CCDC117: variants seen among roughly 807,000 people sequenced by gnomAD.
CCDC117 encodes coiled-coil domain containing 117.
A neutral mutation model predicts 23.5 loss-of-function variants in CCDC117; 1 was observed. The observed-to-expected ratio is 0.04, with a 90% CI of 0.02 to 0.20. CCDC117 has a LOEUF of 0.20. Ranked by LOEUF, CCDC117 falls within the 10% of genes least tolerant of loss-of-function variation. The pLI is 1.00. For synonymous variants in CCDC117, 132 were observed against 124.8 expected, an observed-to-expected ratio of 1.06 and a Z score of -0.39; for missense variants, 383 against 348.2, an observed-to-expected ratio of 1.10 and a Z score of -0.80.
At position 28,772,724 on chromosome 22, in the gene CCDC117, GCGTGA is replaced by G; in HGVS notation, c.-121_-117del. The G allele has an allele frequency of 1.4e-6, 1 of 713,898 alleles. No homozygotes were observed. The highest frequency in any genetic ancestry group is 1.9e-6 in the Non-Finnish European group (1 of 523,858). 44.2% of individuals were successfully genotyped at this position (713,898 alleles called of 1,614,324 possible). ...GGCCTGAGGTGGAGGGTTCTAGAAGGCGTGACGTGGGGTCGAGAGCGGGATCCGAG... is the reference window on the plus strand; with the variant it reads ...GGCCTGAGGTGGAGGGTTCTAGAAGGCGTGGGGTCGAGAGCGGGATCCGAG... On this transcript the variant is annotated 5_prime_UTR_variant, in exon 1 of 5. Coordinates refer to ENST00000249064, the MANE Select transcript of CCDC117 (RefSeq NM_173510.4).
chr22:28,773,899 A>C, intron 2 of CCDC117, 121 bp downstream of exon 2: 1 of 780,200 alleles, frequency 1.3e-6, no homozygotes, highest in African/African-American at 1.7e-5. Context: ...AGAGACACAG[A>C]AATTAGTGAC....
intron 3 of CCDC117, among the ~76,000 whole-genome samples, chr22:28,783,285 C>T (rs1363369081): frequency 1.3e-5 from 2 of 152,024 alleles, no homozygotes; most frequent in African/African-American, 4.8e-5. Flanking sequence ...AGGTGATCTG[C>T]CCGCCTCGGC....
chr22:28,779,517 A>G (rs529367387), intron 2 of CCDC117, among the ~76,000 whole-genome samples: 7 of 152,250 alleles, frequency 4.6e-5, no homozygotes, highest in Non-Finnish European at 8.8e-5. Context: ...AAAATATCCC[A>G]TATTTTAAAA....
In CCDC117 at chr22:28,772,882, C is replaced by A; in HGVS notation, c.33C>A (p.Leu11=). 8.1e-7 allele frequency: 1 copy of A among 1,237,010 alleles called. No individual in the cohort carries two copies. The highest frequency in any genetic ancestry group is 1.0e-6 in the Non-Finnish European group (1 of 989,568). 76.6% of individuals were successfully genotyped at this position (1,237,010 alleles called of 1,614,324 possible). The change falls in exon 1 of 5, where the codon CTC becomes CTA. Residue 11 remains leucine (L), a synonymous_variant. Coordinates refer to ENST00000249064, the MANE Select transcript of CCDC117 (RefSeq NM_173510.4). MAALGRPFSG[L]PLSGGSDFLQ... is the part of the protein sequence containing the mutation. ...CGCTCGGCCGGCCCTTCAGCGGCCT[C>A]CCTCTGAGCGGCGGCTCGGACTTCC...
In CCDC117 at chr22:28,772,816, A is replaced by G; in HGVS notation, c.-34A>G. 2 of 1,219,600 alleles carry G rather than the reference A, an allele frequency of 1.6e-6. No homozygotes were observed. Among genetic ancestry groups the G allele is most frequent in the East Asian group, 3.3e-5 (1 of 30,688 alleles). 75.5% of individuals were successfully genotyped at this position (1,219,600 alleles called of 1,614,324 possible). A position where few individuals can be genotyped will look rare whatever the true frequency, so the allele number is the denominator to read the frequency against. ...CCGGGCCTGGGGACGCGGGCGGCCG[A>G]GGCCGCCGTCGCAGCCTCCTCGTCT... is the stretch of plus-strand genomic sequence containing the variant. On this transcript the variant is annotated 5_prime_UTR_variant, in exon 1 of 5. Transcript: ENST00000249064.
rs528827834 is a variant in CCDC117, at chr22:28,776,036, G to A, written c.239+2258G>A. 1.1e-4 allele frequency among the ~76,000 whole-genome samples: 16 copies of A among 152,298 alleles called. 1 individual carries two copies. In the South Asian group the frequency reaches 3.3e-3, roughly 32 times the overall value. ...ACTCTACCTCCAGATGTTGGGATGC[G>A]TGTGAAGCACCAGGAACTCTTAAAT... On this transcript the variant is annotated intron_variant, in intron 2 of 4. Transcript: ENST00000249064.
chr22:28,786,314 G>T lies in CCDC117; in HGVS notation c.828G>T (p.Glu276Asp). ...SLETATSTEE[E>D]MEL ...AGACAGCTACTAGCACAGAAGAAGA[G>T]ATGGAACTCTAGAAACCAATTTCTA... The change falls in exon 5 of 5, where the codon GAG (glutamate) becomes GAT (aspartate). Residue 276 changes from glutamate (E) to aspartate (D), a missense_variant. Coordinates refer to ENST00000249064, the MANE Select transcript of CCDC117 (RefSeq NM_173510.4). 1 of 1,611,768 alleles carries T rather than the reference G, an allele frequency of 6.2e-7. No individual in the cohort carries two copies. The highest frequency in any genetic ancestry group is 8.5e-7 in the Non-Finnish European group (1 of 1,178,776).
In CCDC117 at chr22:28,783,487, C is replaced by T. The variant is rs756030945; in HGVS notation, c.465-21C>T. On this transcript the variant is annotated intron_variant, in intron 3 of 4. Transcript: ENST00000249064. ...CTTGACTAAATATTTTTTCTTTCTT[C>T]TGCTGCCTTAATTGATTTAGGATAA... is the stretch of plus-strand genomic sequence containing the variant. 4.4e-6 allele frequency: 7 copies of T among 1,595,710 alleles called. No individual in the cohort carries two copies. In the Admixed American group the frequency reaches 5.4e-5, roughly 12 times the overall value.
At position 28,788,041 on chromosome 22, in the gene CCDC117, T is replaced by C. The variant is rs1332695566; in HGVS notation, c.*1715T>C. 6.6e-6 allele frequency: 1 copy of C among 152,658 alleles called. No homozygotes were observed. The highest frequency in any genetic ancestry group is 1.5e-5 in the Non-Finnish European group (1 of 68,048). The allele number at this position is 152,658 out of a possible 1,614,324, so 9.5% of individuals were successfully genotyped here. On this transcript the variant is annotated 3_prime_UTR_variant, in exon 5 of 5. Coordinates refer to ENST00000249064, the MANE Select transcript of CCDC117 (RefSeq NM_173510.4). ...CCTGTTCCTGCTTTCTCTTTCTGTC[T>C]GGATAGTCAGGAAAAGATTTAATGT...
rs538494667 is a variant in CCDC117, at chr22:28,772,826, C to T, written c.-24C>T. On this transcript the variant is annotated 5_prime_UTR_variant, in exon 1 of 5. Transcript: ENST00000249064. ...GGACGCGGGCGGCCGAGGCCGCCGT[C>T]GCAGCCTCCTCGTCTCGCCGGCTAT... 1 of 1,223,238 alleles carries T rather than the reference C, an allele frequency of 8.2e-7. No homozygotes were observed. Among genetic ancestry groups the T allele is most frequent in the Non-Finnish European group, 1.0e-6 (1 of 982,048 alleles). 75.8% of individuals were successfully genotyped at this position (1,223,238 alleles called of 1,614,324 possible).
At position 28,774,216 on chromosome 22, in the gene CCDC117, C is replaced by T. The variant is rs530829985; in HGVS notation, c.239+438C>T. Among the ~76,000 whole-genome samples the T allele has an allele frequency of 2.1e-3, 316 of 150,630 alleles. 4 individuals carry two copies. The highest frequency in any genetic ancestry group is 7.2e-3 in the African/African-American group (295 of 41,046). Reference sequence around the variant, plus strand: ...CCGAGTAGCTGGGACTACAGGCGCCCGCCACCACGCCTGGCAATTTTTTTT... The same window carrying T: ...CCGAGTAGCTGGGACTACAGGCGCCTGCCACCACGCCTGGCAATTTTTTTT... On this transcript the variant is annotated intron_variant, in intron 2 of 4. Coordinates refer to ENST00000249064, the MANE Select transcript of CCDC117 (RefSeq NM_173510.4).
chr22:28,784,341 C>T (rs147407259), intron 4 of CCDC117, among the ~76,000 whole-genome samples: 1 of 152,322 alleles, frequency 6.6e-6, no homozygotes, highest in Non-Finnish European at 1.5e-5. Context: ...ATGATTAGCC[C>T]AGCTCTAATC....
In CCDC117 at chr22:28,786,335, T is replaced by G. The variant is rs745396819; in HGVS notation, c.*9T>G. 5.7e-6 allele frequency: 9 copies of G among 1,581,790 alleles called. No individual in the cohort carries two copies. Among genetic ancestry groups the G allele is most frequent in the Non-Finnish European group, 7.8e-6 (9 of 1,152,066 alleles). On this transcript the variant is annotated 3_prime_UTR_variant, in exon 5 of 5. Transcript: ENST00000249064. ...AAGAGATGGAACTCTAGAAACCAAT[T>G]TCTACACTAAAGTTGTCAAATGTTA...
At chr22:28,773,144 G>A (rs999209037) in intron 1 of CCDC117, 110 bp downstream of exon 1, 17 of 365,462 alleles carry the variant, frequency 4.7e-5, no homozygotes, top group Non-Finnish European at 6.4e-5. Flanking sequence ...GGGGCTTTTT[G>A]ACTCCCTCCC....
rs745685698 is a variant in CCDC117 at position 28,781,139 on chromosome 22, T to G, written c.431T>G (p.Val144Gly). Residue 144 changes from valine (V) to glycine (G), a missense_variant, in exon 3 of 5, where the codon GTT becomes GGT. By Grantham distance (109) the Val-to-Gly change is moderately radical. Transcript: ENST00000249064. ...DQTTGEPQCE[V>G]ARRKLQEIED... Reference sequence around the variant, plus strand: ...ACAACTGGAGAACCACAGTGTGAAGTTGCCCGAAGGAAGCTTCAGGAGATT... The same window carrying G: ...ACAACTGGAGAACCACAGTGTGAAGGTGCCCGAAGGAAGCTTCAGGAGATT... 6.2e-7 allele frequency: 1 copy of G among 1,613,716 alleles called. No individual in the cohort carries two copies. The highest frequency in any genetic ancestry group is 8.5e-7 in the Non-Finnish European group (1 of 1,179,836).
At chr22:28,782,919 C>T (rs1437346464) in intron 3 of CCDC117, among the ~76,000 whole-genome samples, 3 of 152,054 alleles carry the variant, frequency 2.0e-5, no homozygotes, top group Non-Finnish European at 2.9e-5. Flanking sequence ...AACTACTGAG[C>T]GTTTTCACTT....
At position 28,787,339 on chromosome 22, in the gene CCDC117, A is replaced by G. The variant is rs2031547216; in HGVS notation, c.*1013A>G. On this transcript the variant is annotated 3_prime_UTR_variant, in exon 5 of 5. Coordinates refer to ENST00000249064, the MANE Select transcript of CCDC117 (RefSeq NM_173510.4). The stretch of plus-strand genomic sequence containing the variant: ...ATTTTTAATAGAGACCGGTTTTGCC[A>G]TGTTGGCCAGGCTGGTCTCGAACTC... 6.6e-6 allele frequency: 1 copy of G among 152,094 alleles called. No individual in the cohort carries two copies. The highest frequency in any genetic ancestry group is 6.6e-5 in the Admixed American group (1 of 15,262). The allele number at this position is 152,094 out of a possible 1,614,324, so 9.4% of individuals were successfully genotyped here. A position where few individuals can be genotyped will look rare whatever the true frequency, so the allele number is the denominator to read the frequency against.
chr22:28,780,242 A>G (rs1464861707), intron 2 of CCDC117, among the ~76,000 whole-genome samples: 5 of 152,220 alleles, frequency 3.3e-5, no homozygotes, highest in Non-Finnish European at 5.9e-5. Flanking sequence ...AAAGTGGGAG[A>G]AAATTGGACC....
chr22:28,776,574 C>G (rs1045826627), intron 2 of CCDC117, among the ~76,000 whole-genome samples: 5 of 149,596 alleles, frequency 3.3e-5, no homozygotes, highest in African/African-American at 1.3e-4. Flanking sequence ...GCGCGTGCCA[C>G]CATGCCCAGC....
Sources: gnomAD v4.1 joint callset for allele counts (sites outside exome capture counted in the v4.1 genomes callset) on GRCh38, gnomAD v4.1.1 for gene constraint, MANE v1.5 for transcripts, NCBI Gene and HGNC (gene_info 2026-07-23, HGNC 2026-07-21) for gene names.